Variants in HEPACAM observed in about 807,000 individuals in gnomAD.
HEPACAM encodes the protein hepatic and glial cell adhesion molecule, also known as hepatocyte cell adhesion molecule.
HEPACAM carries 18 observed loss-of-function variants against 38.3 expected under a neutral mutation model. The observed-to-expected ratio is 0.47, with a 90% CI of 0.33 to 0.70. HEPACAM has a LOEUF of 0.70. Ranked by LOEUF, HEPACAM falls within the 30% of genes least tolerant of loss-of-function variation. The pLI is 0.03. For synonymous variants in HEPACAM, 216 were observed against 243.1 expected (o/e 0.89, Z 1.04); for missense variants, 466 against 563.0 (o/e 0.83, Z 1.74).
intron 1 of HEPACAM, among the ~76,000 whole-genome samples, chr11:124,932,281 A>G (rs1345321696): frequency 6.6e-6 from 1 of 152,194 alleles, no homozygotes; most frequent in African/African-American, 2.4e-5. Context: ...GCTAAAGAGC[A>G]TGGAACCCAG....
intron 1 of HEPACAM, among the ~76,000 whole-genome samples, chr11:124,925,751 C>A (rs1397287171): frequency 2.0e-5 from 3 of 152,172 alleles, no homozygotes; most frequent in Non-Finnish European, 2.9e-5. Flanking sequence ...TTTGGGAATT[C>A]ACCCAAACTC....
In HEPACAM at chr11:124,920,979, C is replaced by T; in HGVS notation, c.*159G>A. On this transcript the variant is annotated 3_prime_UTR_variant, in exon 7 of 7. Coordinates refer to ENST00000298251, the MANE Select transcript of HEPACAM (RefSeq NM_152722.5). Reference sequence around the variant, plus strand: ...ACTGCCGCCTCCGCGCACCCGCCTCCGTCTGCGCATGCTCATACACGTTCA... The same window carrying T: ...ACTGCCGCCTCCGCGCACCCGCCTCTGTCTGCGCATGCTCATACACGTTCA... 1.5e-6 allele frequency: 2 copies of T among 1,365,028 alleles called. No homozygotes were observed. Among genetic ancestry groups the T allele is most frequent in the South Asian group, 3.4e-5 (2 of 58,542 alleles). 84.6% of individuals were successfully genotyped at this position (1,365,028 alleles called of 1,614,324 possible).
In HEPACAM at chr11:124,919,346, C is replaced by G. The variant is rs2135392552; in HGVS notation, c.*1792G>C. 5.0e-6 allele frequency: 1 copy of G among 198,850 alleles called. No individual in the cohort carries two copies. The highest frequency in any genetic ancestry group is 1.2e-4 in the East Asian group (1 of 8,148). The allele number at this position is 198,850 out of a possible 1,614,324, so 12.3% of individuals were successfully genotyped here. On this transcript the variant is annotated 3_prime_UTR_variant, in exon 7 of 7. Coordinates refer to ENST00000298251, the MANE Select transcript of HEPACAM (RefSeq NM_152722.5). ...GATGAAAACAACACAAAAACAAACC[C>G]CACTTCCTTACTTACCCCTCCCCAC...
chr11:124,931,605 A>G (rs1430188374), intron 1 of HEPACAM, among the ~76,000 whole-genome samples: 1 of 152,222 alleles, frequency 6.6e-6, no homozygotes, highest in Non-Finnish European at 1.5e-5. Context: ...TGAAACTCTC[A>G]TACATGTTGA....
intron 1 of HEPACAM, among the ~76,000 whole-genome samples, chr11:124,925,848 C>G (rs1357135694): frequency 6.6e-6 from 1 of 152,196 alleles, no homozygotes; most frequent in South Asian, 2.1e-4. Context: ...ATGCTGGGCT[C>G]TACCTCTTAC....
In HEPACAM at chr11:124,924,523, C is replaced by G; in HGVS notation, c.427+205G>C. ...TAAATGAGTCAACATATGCAAAGCA[C>G]TTAGAATAGTTTCTGGCACATGGCA... On this transcript the variant is annotated intron_variant, in intron 2 of 6. Coordinates refer to ENST00000298251, the MANE Select transcript of HEPACAM (RefSeq NM_152722.5). The surrounding 1 kb of genome is among the most constrained non-coding windows in gnomAD (Gnocchi z 4.4). The G allele has an allele frequency of 1.5e-6, 1 of 651,918 alleles. No individual in the cohort carries two copies. The highest frequency in any genetic ancestry group is 2.7e-5 in the East Asian group (1 of 37,080). The allele number at this position is 651,918 out of a possible 1,614,324, so 40.4% of individuals were successfully genotyped here.
At chr11:124,933,383 C>G (rs890324358) in intron 1 of HEPACAM, among the ~76,000 whole-genome samples, 1 of 150,852 alleles carries the variant, frequency 6.6e-6, no homozygotes, top group Non-Finnish European at 1.5e-5. Context: ...GTTCCTCAGG[C>G]TGGTCTCGAA....
rs1329449658 is a variant in HEPACAM, at chr11:124,924,017, C to T, written c.428-7G>A. 1.9e-6 allele frequency: 3 copies of T among 1,605,090 alleles called. No individual in the cohort carries two copies. The highest frequency in any genetic ancestry group is 1.7e-5 in the Admixed American group (1 of 59,560). On this transcript the variant is annotated splice_polypyrimidine_tract_variant and splice_region_variant and intron_variant, in intron 2 of 6. Transcript: ENST00000298251. The surrounding 1 kb of genome is among the most constrained non-coding windows in gnomAD (Gnocchi z 4.4). ...TGTGGCCTCGAAATGGGCACTGAGC[C>T]GCAGGAATGGGGGAGCCTGTAAGTC...
Position 124,919,561 on chromosome 11 carries a change from A to G in HEPACAM, c.*1577T>C, listed in dbSNP as rs538418045. 1.6e-6 allele frequency: 1 copy of G among 617,632 alleles called. No homozygotes were observed. The highest frequency in any genetic ancestry group is 2.1e-5 in the South Asian group (1 of 48,016). The allele number at this position is 617,632 out of a possible 1,614,324, so 38.3% of individuals were successfully genotyped here. On this transcript the variant is annotated 3_prime_UTR_variant, in exon 7 of 7. Coordinates refer to ENST00000298251, the MANE Select transcript of HEPACAM (RefSeq NM_152722.5). ...GAGAAACTTTTCCCCTACATGCATT[A>G]TCTCATTATGGATGAGGCACCTGGG...
rs201026909 is a variant in HEPACAM, at chr11:124,927,349, CT to C, written c.86-2281del. Among the ~76,000 whole-genome samples the C allele has an allele frequency of 5.5e-3, 792 of 143,212 alleles. 6 individuals are homozygous for C. Among genetic ancestry groups the C allele is most frequent in the African/African-American group, 0.016 (632 of 39,216 alleles). 94.0% of individuals were successfully genotyped at this position (143,212 alleles called of 152,430 possible). On this transcript the variant is annotated intron_variant, in intron 1 of 6. Coordinates refer to ENST00000298251, the MANE Select transcript of HEPACAM (RefSeq NM_152722.5). ...CTCTAGGGGGGCTTCTTAACTCTGA[CT>C]TTTTTTTTTTTTGACAAGGTCTCAC...
rs559667726 is a variant in HEPACAM at position 124,934,253 on chromosome 11, T to A, written c.85+1669A>T. Among the ~76,000 whole-genome samples, 3 of 152,300 alleles carry A rather than the reference T, an allele frequency of 2.0e-5. No individual in the cohort carries two copies. In the South Asian group the frequency reaches 6.2e-4, roughly 32 times the overall value. On this transcript the variant is annotated intron_variant, in intron 1 of 6. Transcript: ENST00000298251. The stretch of plus-strand genomic sequence containing the variant: ...CTGACTTTACCTCTAAAATATTTTC[T>A]CAACATGCCTCATTCCTTCTATCTT...
chr11:124,931,638 C>T (rs753166102), intron 1 of HEPACAM, among the ~76,000 whole-genome samples: 1 of 152,202 alleles, frequency 6.6e-6, no homozygotes, highest in African/African-American at 2.4e-5. Context: ...CTGATACATT[C>T]ATTTTTGAAA....
Position 124,936,034 on chromosome 11 carries a change from C to T in HEPACAM, c.-28G>A, listed in dbSNP as rs146644154. On this transcript the variant is annotated 5_prime_UTR_variant, in exon 1 of 7. Coordinates refer to ENST00000298251, the MANE Select transcript of HEPACAM (RefSeq NM_152722.5). The stretch of plus-strand genomic sequence containing the variant: ...TGGGTGGCGTTCTCCAGCTCTAGTG[C>T]AGACAATTAGCATGATTTCTCCACT... The T allele has an allele frequency of 2.6e-4, 421 of 1,593,012 alleles. 2 individuals carry two copies. In the East Asian group the frequency reaches 8.5e-3, roughly 32 times the overall value.
chr11:124,921,623 C>T lies in HEPACAM; in HGVS notation c.949-183G>A, dbSNP rs1591547232. Among the ~76,000 whole-genome samples, 1 of 152,176 alleles carries T rather than the reference C, an allele frequency of 6.6e-6. No homozygotes were observed. Among genetic ancestry groups the T allele is most frequent in the East Asian group, 1.9e-4 (1 of 5,200 alleles). ...TATTCCACACTGAGCATGGGGCCTC[C>T]TAGCACATAATAGGTGTTAAGTAAA... On this transcript the variant is annotated intron_variant, in intron 6 of 6. Coordinates refer to ENST00000298251, the MANE Select transcript of HEPACAM (RefSeq NM_152722.5). This position sits in a 1 kb window ranked among gnomAD's most constrained non-coding sequence, Gnocchi z 4.6.
intron 4 of HEPACAM, 69 bp downstream of exon 4, chr11:124,923,269 CTT>C (rs1394380021): frequency 9.8e-7 from 1 of 1,024,922 alleles, no homozygotes; most frequent in Admixed American, 1.7e-5. Context: ...TTTAAAGAGA[CTT>C]AAGAAAATAA....
At chr11:124,935,810 ACT>A in intron 1 of HEPACAM, 110 bp downstream of exon 1, 1 of 834,806 alleles carries the variant, frequency 1.2e-6, no homozygotes, top group Non-Finnish European at 2.0e-6. Context: ...CGGCAGCTGA[ACT>A]CTCCCCCACT....
chr11:124,923,439 G>C lies in HEPACAM; in HGVS notation c.710-6C>G. ...GATGTAAAGGGAGCTTCTTCCTAGGGAGAGAGAGAAGCAGAGAGGCAGGAG... is the reference window on the plus strand; with the variant it reads ...GATGTAAAGGGAGCTTCTTCCTAGGCAGAGAGAGAAGCAGAGAGGCAGGAG... On this transcript the variant is annotated splice_region_variant and splice_polypyrimidine_tract_variant and intron_variant, in intron 3 of 6. Coordinates refer to ENST00000298251, the MANE Select transcript of HEPACAM (RefSeq NM_152722.5). 1 of 1,583,566 alleles carries C rather than the reference G, an allele frequency of 6.3e-7. No homozygotes were observed. Among genetic ancestry groups the C allele is most frequent in the Non-Finnish European group, 8.7e-7 (1 of 1,152,620 alleles).
At chr11:124,928,784 C>G (rs1947249471) in intron 1 of HEPACAM, among the ~76,000 whole-genome samples, 1 of 152,178 alleles carries the variant, frequency 6.6e-6, no homozygotes, top group Non-Finnish European at 1.5e-5. Flanking sequence ...CTTTCCGGAC[C>G]GAACCAACAT....
chr11:124,930,813 A>G (rs1318875895), intron 1 of HEPACAM, among the ~76,000 whole-genome samples: 1 of 152,182 alleles, frequency 6.6e-6, no homozygotes, highest in Non-Finnish European at 1.5e-5. Flanking sequence ...AAACGAATTG[A>G]CCCTTACCTC....
Sources: allele counts gnomAD v4.1 joint callset (sites outside exome capture counted in the v4.1 genomes callset), GRCh38; gene constraint gnomAD v4.1.1; non-coding constraint Gnocchi (gnomAD v3.1); transcripts MANE v1.5; gene names NCBI Gene and HGNC (gene_info 2026-07-23, HGNC 2026-07-21).